Variants in CASZ1 observed in about 807,000 individuals in gnomAD.
CASZ1 encodes castor zinc finger 1, also known as zinc finger protein castor homolog 1.
Under a neutral mutation model 135.2 loss-of-function variants are expected in CASZ1, and 28 were observed. That is an observed-to-expected ratio of 0.21 (90% CI 0.15 to 0.28). The LOEUF (loss-of-function observed/expected upper bound fraction) is 0.28, where lower values mean the gene tolerates loss of function less well. Among genes scored for constraint, CASZ1 ranks in the 10% least tolerant of loss-of-function variants. The pLI is 1.00. For missense variants in CASZ1, 2,161 were observed against 2,453.3 expected (o/e 0.88, Z 2.52); for synonymous variants, 1,068 against 1,073.4 (o/e 0.99, Z 0.10).
chr1:10,790,312 CCGGG>C (rs1387155623), intron 1 of CASZ1, among the ~76,000 whole-genome samples: 1 of 152,242 alleles, frequency 6.6e-6, no homozygotes, highest in East Asian at 1.9e-4. Context: ...TATCGGTCTG[CCGGG>C]CTGCCCTTCA....
chr1:10,656,793 G>T, intron 7 of CASZ1, 57 bp from the exon 8 acceptor site: 1 of 1,081,674 alleles, frequency 9.2e-7, no homozygotes, highest in Non-Finnish European at 1.4e-6. Flanking sequence ...CCCAGCCCCA[G>T]CCCCAGCCCC....
In CASZ1 at chr1:10,794,511, C is replaced by T. The variant is rs983814684; in HGVS notation, c.-234+2053G>A. ...TCCATACTCAGGAGAGGCGCTACTGCCGCTTTTCCGGTGGGCACGCACCCG... is the reference window on the plus strand; with the variant it reads ...TCCATACTCAGGAGAGGCGCTACTGTCGCTTTTCCGGTGGGCACGCACCCG... On this transcript the variant is annotated intron_variant, in intron 1 of 20. Coordinates refer to ENST00000377022, the MANE Select transcript of CASZ1 (RefSeq NM_001079843.3). This position sits in a 1 kb window ranked among gnomAD's most constrained non-coding sequence, Gnocchi z 5.6. 6.6e-6 allele frequency among the ~76,000 whole-genome samples: 1 copy of T among 152,134 alleles called. No individual in the cohort carries two copies. Among genetic ancestry groups the T allele is most frequent in the Non-Finnish European group, 1.5e-5 (1 of 68,034 alleles).
At chr1:10,661,318 C>CT (rs1643014610) in intron 5 of CASZ1, 1 of 152,330 alleles carries the variant, frequency 6.6e-6, no homozygotes, top group African/African-American at 2.4e-5. Context: ...AGCCTCCTTA[C>CT]TGTGGCCACC....
chr1:10,692,908 G>C (rs1638813916), intron 4 of CASZ1, among the ~76,000 whole-genome samples: 1 of 152,208 alleles, frequency 6.6e-6, no homozygotes, highest in Non-Finnish European at 1.5e-5. Context: ...TGATCGGGCT[G>C]CTTGTTTCTT....
At position 10,744,395 on chromosome 1, in the gene CASZ1, C is replaced by T. The variant is rs1050508761; in HGVS notation, c.-77+16306G>A. ...GCACCACGAGCAGGCATGTCCTGGG[C>T]ACCACGAGCAGGCATGTCCTGGGCA... On this transcript the variant is annotated intron_variant, in intron 2 of 20. Coordinates refer to ENST00000377022, the MANE Select transcript of CASZ1 (RefSeq NM_001079843.3). Among the ~76,000 whole-genome samples, 11 of 134,114 alleles carry T rather than the reference C, an allele frequency of 8.2e-5. 1 individual carries two copies. The highest frequency in any genetic ancestry group is 1.6e-4 in the Non-Finnish European group (10 of 62,676). The allele number at this position is 134,114 out of a possible 152,430, so 88.0% of individuals were successfully genotyped here.
chr1:10,665,939 A>G (rs1469824768), intron 4 of CASZ1, among the ~76,000 whole-genome samples: 2 of 152,140 alleles, frequency 1.3e-5, no homozygotes, highest in Non-Finnish European at 2.9e-5. Context: ...CCTTTGACAC[A>G]CAAGGAAACT....
intron 1 of CASZ1, among the ~76,000 whole-genome samples, chr1:10,778,957 A>G (rs892738698): frequency 1.3e-5 from 2 of 152,190 alleles, no homozygotes; most frequent in African/African-American, 4.8e-5. Context: ...AGAGGTGGGT[A>G]TCACCAATAG....
chr1:10,786,483 A>G (rs776910), intron 1 of CASZ1, among the ~76,000 whole-genome samples: 118,554 of 152,154 alleles, frequency 0.78, 46,475 homozygotes, highest in Non-Finnish European at 0.82. Context: ...AAGCTCTCCC[A>G]GTTCCCCTCT....
chr1:10,742,809 C>T (rs1639949420), intron 2 of CASZ1, among the ~76,000 whole-genome samples: 1 of 152,022 alleles, frequency 6.6e-6, no homozygotes, highest in Admixed American at 6.6e-5. Context: ...CATGGTGGAA[C>T]CCTGTCTCTA....
At chr1:10,688,602 C>T (rs938946701) in intron 4 of CASZ1, among the ~76,000 whole-genome samples, 4 of 152,212 alleles carry the variant, frequency 2.6e-5, no homozygotes, top group East Asian at 1.9e-4. Flanking sequence ...ACTAGGCAGA[C>T]GCTGCCAACA....
intron 4 of CASZ1, among the ~76,000 whole-genome samples, chr1:10,668,992 C>T (rs1570448136): frequency 1.3e-5 from 2 of 152,304 alleles, no homozygotes; most frequent in East Asian, 1.9e-4. Context: ...AGCCCCTCCT[C>T]GGATTCCTAG....
intron 1 of CASZ1, among the ~76,000 whole-genome samples, chr1:10,780,763 G>A (rs183813694): frequency 5.0e-4 from 76 of 152,156 alleles, no homozygotes; most frequent in African/African-American, 1.7e-3. Flanking sequence ...ATCAACCAGC[G>A]TTGGAACCCT....
chr1:10,678,784 A>G (rs1262694866), intron 4 of CASZ1, among the ~76,000 whole-genome samples: 1 of 151,540 alleles, frequency 6.6e-6, no homozygotes, highest in Admixed American at 6.6e-5. Flanking sequence ...CAGACGCTAT[A>G]TCGCTATCCA....
chr1:10,694,327 TTAAA>T lies in CASZ1; in HGVS notation c.-23-419_-23-416del, dbSNP rs1188276832. 1 of 1,157,030 alleles carries T rather than the reference TTAAA, an allele frequency of 8.6e-7. No individual in the cohort carries two copies. The highest frequency in any genetic ancestry group is 1.1e-6 in the Non-Finnish European group (1 of 914,794). 71.7% of individuals were successfully genotyped at this position (1,157,030 alleles called of 1,614,324 possible). ...TCGGAGAGTCGAAAGCCGAATTCAC[TTAAA>T]TAATCAACTTTCATAATACTTAATT... is the stretch of plus-strand genomic sequence containing the variant. On this transcript the variant is annotated intron_variant, in intron 3 of 20. Transcript: ENST00000377022. The surrounding 1 kb of genome is among the most constrained non-coding windows in gnomAD (Gnocchi z 6.6).
intron 20 of CASZ1, among the ~76,000 whole-genome samples, chr1:10,641,110 G>T (rs1241854338): frequency 6.6e-6 from 1 of 152,256 alleles, no homozygotes; most frequent in East Asian, 1.9e-4. Flanking sequence ...GCCACCAAAT[G>T]TCTGCCCTGC....
intron 1 of CASZ1, among the ~76,000 whole-genome samples, chr1:10,791,855 A>G (rs1640961982): frequency 1.3e-5 from 2 of 152,154 alleles, no homozygotes; most frequent in Non-Finnish European, 2.9e-5. Flanking sequence ...TTGCTTCAGA[A>G]AGACAATAAA....
chr1:10,643,049 G>GCCCC, intron 19 of CASZ1, 49 bp from the exon 20 acceptor site: 1 of 1,596,540 alleles, frequency 6.3e-7, no homozygotes, highest in Non-Finnish European at 8.6e-7. Flanking sequence ...GGGGTATGCT[G>GCCCC]CCCACAGAGG....
chr1:10,658,464 C>A (rs764847291), intron 7 of CASZ1, 44 bp downstream of exon 7: 7 of 1,540,162 alleles, frequency 4.5e-6, no homozygotes, highest in Non-Finnish European at 6.3e-6. Flanking sequence ...TCAGTCCTGG[C>A]CCCCCACCTT....
rs1042039692 is a variant in CASZ1, at chr1:10,676,083, G to A, written c.17-10512C>T. Among the ~76,000 whole-genome samples, 3 of 152,180 alleles carry A rather than the reference G, an allele frequency of 2.0e-5. No homozygotes were observed. Among genetic ancestry groups the A allele is most frequent in the Non-Finnish European group, 4.4e-5 (3 of 68,028 alleles). ...GCCAGGGAGGGGCCCCAGGAAGAGG[G>A]CGGGGCTCCCCCTGGACCTAGGCCT... On this transcript the variant is annotated intron_variant, in intron 4 of 20. Coordinates refer to ENST00000377022, the MANE Select transcript of CASZ1 (RefSeq NM_001079843.3). The surrounding 1 kb of genome is among the most constrained non-coding windows in gnomAD (Gnocchi z 4.5).
Sources: allele counts gnomAD v4.1 joint callset (sites outside exome capture counted in the v4.1 genomes callset), GRCh38; gene constraint gnomAD v4.1.1; non-coding constraint Gnocchi (gnomAD v3.1); transcripts MANE v1.5; gene names NCBI Gene and HGNC (gene_info 2026-07-23, HGNC 2026-07-21).